The following AFAP1L1 variants were observed in gnomAD, a reference collection of about 807,000 sequenced individuals.
AFAP1L1 encodes the protein actin filament associated protein 1 like 1.
In AFAP1L1, 77 loss-of-function variants were observed where a neutral mutation model predicts 99.8. The observed-to-expected ratio is 0.77, with a 90% confidence interval of 0.64 to 0.93. The LOEUF (loss-of-function observed/expected upper bound fraction) is 0.93. Ranked by LOEUF, AFAP1L1 falls within the 40% of genes least tolerant of loss-of-function variation. The pLI is 0.00. For synonymous variants in AFAP1L1, 373 were observed against 395.3 expected, an observed-to-expected ratio of 0.94 and a Z score of 0.67; for missense variants, 893 against 996.8, an observed-to-expected ratio of 0.90 and a Z score of 1.40.
intron 18 of AFAP1L1, among the ~76,000 whole-genome samples, chr5:149,339,435 G>A (rs374006792): frequency 6.6e-5 from 10 of 151,978 alleles, no homozygotes; most frequent in Non-Finnish European, 7.4e-5. Flanking sequence ...CTCGTGATCC[G>A]CCCACCTCGG....
At chr5:149,313,253 A>G (rs1756693188) in intron 9 of AFAP1L1, among the ~76,000 whole-genome samples, 1 of 152,342 alleles carries the variant, frequency 6.6e-6, no homozygotes, top group Admixed American at 6.5e-5. Flanking sequence ...GTGGGTAACA[A>G]AGGGCCTCAG....
At position 149,275,256 on chromosome 5, in the gene AFAP1L1, T is replaced by C. The variant is rs77748046; in HGVS notation, c.16+3272T>C. Reference sequence around the variant, plus strand: ...GCCAGCAAGGGCTGCAATAACAGAATACACAGACTGGGTGGCTGCAACAAC... The same window carrying C: ...GCCAGCAAGGGCTGCAATAACAGAACACACAGACTGGGTGGCTGCAACAAC... On this transcript the variant is annotated intron_variant, in intron 1 of 18. Coordinates refer to ENST00000296721, the MANE Select transcript of AFAP1L1 (RefSeq NM_152406.4). Among the ~76,000 whole-genome samples the C allele has an allele frequency of 4.7e-3, 709 of 152,240 alleles. 7 individuals carry two copies. The highest frequency in any genetic ancestry group is 0.016 in the African/African-American group (676 of 41,540).
chr5:149,328,625 A>G (rs1340542214), intron 15 of AFAP1L1, among the ~76,000 whole-genome samples: 3 of 152,150 alleles, frequency 2.0e-5, no homozygotes, highest in African/African-American at 7.2e-5. Flanking sequence ...CCTGACCAAC[A>G]TGGCGAAACC....
chr5:149,322,469 GT>G (rs1423541635), intron 14 of AFAP1L1, 136 bp from the exon 15 acceptor site: 3 of 577,934 alleles, frequency 5.2e-6, no homozygotes, highest in Non-Finnish European at 6.0e-6. Context: ...TGATTTTTGA[GT>G]GCTATGCAAG....
At chr5:149,318,487 G>A (rs1756861272) in intron 12 of AFAP1L1, among the ~76,000 whole-genome samples, 1 of 152,192 alleles carries the variant, frequency 6.6e-6, no homozygotes, top group Admixed American at 6.5e-5. Flanking sequence ...ATACTGAGTT[G>A]AAATCTTTAA....
In AFAP1L1 at chr5:149,310,071, AG is replaced by A. The variant is rs35622916; in HGVS notation, c.868del (p.Ala290LeufsTer19). 3 of 1,614,084 alleles carry A rather than the reference AG, an allele frequency of 1.9e-6. No homozygotes were observed. Among genetic ancestry groups the A allele is most frequent in the Non-Finnish European group, 2.5e-6 (3 of 1,179,976 alleles). On this transcript the variant is annotated frameshift_variant, in exon 8 of 19. Transcript: ENST00000296721. LOFTEE classifies it high-confidence loss of function. ...RHKRHELRFT[Q>X]GATEVLVLAL... ...AAGAGGCACGAGCTGCGTTTCACCCAGGGGGCTACCGAGGTCTTGGTGCTGG... is the reference window on the plus strand; with the variant it reads ...AAGAGGCACGAGCTGCGTTTCACCCAGGGGCTACCGAGGTCTTGGTGCTGG...
In AFAP1L1 at chr5:149,316,281, CGAG is replaced by C; in HGVS notation, c.1253_1255del (p.Glu418del). 6.2e-7 allele frequency: 1 copy of C among 1,613,996 alleles called. No homozygotes were observed. The highest frequency in any genetic ancestry group is 8.5e-7 in the Non-Finnish European group (1 of 1,179,976). On this transcript the variant is annotated inframe_deletion, in exon 11 of 19. Transcript: ENST00000296721. ...CCGATGACCTGCAGACGTCCTCCAC[CGAG>C]GAGGAGGTTCCCTGCTGTGGTGGGT...
intron 5 of AFAP1L1, chr5:149,304,159 A>G (rs1756322494): frequency 6.6e-6 from 1 of 152,146 alleles, no homozygotes; most frequent in South Asian, 2.1e-4. Context: ...TTCACTTAGC[A>G]TGTTTTCTAG....
chr5:149,318,025 C>A, intron 12 of AFAP1L1, 85 bp downstream of exon 12: 2 of 1,437,930 alleles, frequency 1.4e-6, no homozygotes, highest in Non-Finnish European at 9.4e-7. Flanking sequence ...GGAGCCCTTG[C>A]TACTGACACC....
chr5:149,321,151 G>A (rs10515626), intron 14 of AFAP1L1, among the ~76,000 whole-genome samples: 40,675 of 152,156 alleles, frequency 0.27, 7,000 homozygotes, highest in East Asian at 0.49. Flanking sequence ...GGACAGTGCT[G>A]CATGACACAC....
chr5:149,291,311 A>G (rs747343832), intron 1 of AFAP1L1, among the ~76,000 whole-genome samples: 11 of 151,756 alleles, frequency 7.2e-5, no homozygotes, highest in South Asian at 4.2e-4. Flanking sequence ...GGCAGATCAT[A>G]AGGTCAACAG....
At chr5:149,281,708 T>C (rs1755523252) in intron 1 of AFAP1L1, among the ~76,000 whole-genome samples, 2 of 151,818 alleles carry the variant, frequency 1.3e-5, no homozygotes, top group Non-Finnish European at 2.9e-5. Context: ...CTCACCTCCA[T>C]ACCTGAGTTC....
chr5:149,313,732 T>C (rs1314759942), intron 9 of AFAP1L1, among the ~76,000 whole-genome samples: 1 of 152,220 alleles, frequency 6.6e-6, no homozygotes, highest in African/African-American at 2.4e-5. Context: ...GACTTATAAA[T>C]GCCAAGCTGT....
intron 18 of AFAP1L1, among the ~76,000 whole-genome samples, chr5:149,337,064 T>C (rs1471455021): frequency 6.6e-6 from 1 of 152,212 alleles, no homozygotes; most frequent in Non-Finnish European, 1.5e-5. Context: ...AACAATCTCT[T>C]TTTTAAATAT....
intron 16 of AFAP1L1, among the ~76,000 whole-genome samples, chr5:149,330,652 A>C (rs978525601): frequency 6.6e-6 from 1 of 152,208 alleles, no homozygotes; most frequent in African/African-American, 2.4e-5. Context: ...AATAGGAGGA[A>C]GGCACAGGAA....
At chr5:149,307,818 T>TTCTCTCTCTGTCTCTCTC (rs557717575) in intron 7 of AFAP1L1, among the ~76,000 whole-genome samples, 18 of 100,568 alleles carry the variant, frequency 1.8e-4, no homozygotes, top group South Asian at 8.4e-4. Context: ...GTGCCTCTCT[T>TTCTCTCTCTGTCTCTCTC]TCTCTCTCTC....
At chr5:149,290,350 C>T (rs2127591602) in intron 1 of AFAP1L1, among the ~76,000 whole-genome samples, 1 of 152,268 alleles carries the variant, frequency 6.6e-6, no homozygotes, top group Non-Finnish European at 1.5e-5. Context: ...TTACTATGTG[C>T]CAGACTCTGT....
At chr5:149,336,017 G>C (rs1757395644) in intron 18 of AFAP1L1, among the ~76,000 whole-genome samples, 1 of 152,174 alleles carries the variant, frequency 6.6e-6, no homozygotes, top group Non-Finnish European at 1.5e-5. Context: ...GAAAATCGAG[G>C]ACGATGGGAC....
At chr5:149,322,479 A>G in intron 14 of AFAP1L1, 127 bp from the exon 15 acceptor site, 1 of 608,914 alleles carries the variant, frequency 1.6e-6, no homozygotes, top group Non-Finnish European at 2.8e-6. Context: ...GTGCTATGCA[A>G]GTCTAAAAAT....
Sources: allele counts gnomAD v4.1 joint callset (sites outside exome capture counted in the v4.1 genomes callset), GRCh38; gene constraint gnomAD v4.1.1; transcripts MANE v1.5; gene names NCBI Gene and HGNC (gene_info 2026-07-23, HGNC 2026-07-21).